GABBR2: variants seen among roughly 807,000 people sequenced by gnomAD.
GABBR2 encodes the protein G-protein coupled receptor 51.
A neutral mutation model predicts 105.6 loss-of-function variants in GABBR2; 23 were observed. The ratio of observed to expected loss-of-function variants is 0.22; its 90% CI spans 0.16 to 0.31. The LOEUF is 0.31. GABBR2 is among the 10% of genes least tolerant of loss of function. The pLI is 1.00. For synonymous variants in GABBR2, 478 were observed against 499.7 expected (o/e 0.96, Z 0.58); for missense variants, 734 against 1,245.5 (o/e 0.59, Z 6.18).
intron 3 of GABBR2, among the ~76,000 whole-genome samples, chr9:98,529,992 C>A (rs1482597820): frequency 6.6e-6 from 1 of 152,214 alleles, no homozygotes; most frequent in Non-Finnish European, 1.5e-5. Flanking sequence ...CCCAACTCCA[C>A]TCCTTTGCTC....
chr9:98,657,290 T>C lies in GABBR2; in HGVS notation c.321+51127A>G, dbSNP rs150930646. 5.3e-5 allele frequency among the ~76,000 whole-genome samples: 8 copies of C among 152,322 alleles called. No homozygotes were observed. The East Asian group carries it at 1.5e-3, about 29-fold the overall frequency. ...TATGGTAAAGAAATATTTCTCTGTA[T>C]CCATGTCTCTATTAAAAGTGAAAAA... On this transcript the variant is annotated intron_variant, in intron 1 of 18. Transcript: ENST00000259455.
chr9:98,624,249 C>T (rs534951290), intron 1 of GABBR2, among the ~76,000 whole-genome samples: 1 of 152,216 alleles, frequency 6.6e-6, no homozygotes, highest in South Asian at 2.1e-4. Context: ...GCAGCGTGCA[C>T]AGGAAGGCAA....
intron 2 of GABBR2, among the ~76,000 whole-genome samples, chr9:98,573,321 C>T (rs1043516072): frequency 5.3e-5 from 8 of 152,028 alleles, no homozygotes; most frequent in South Asian, 2.1e-4. Flanking sequence ...ATCGCTTTTT[C>T]GCCCAGGCAG....
At chr9:98,314,314 C>T (rs1184386100) in intron 13 of GABBR2, among the ~76,000 whole-genome samples, 3 of 152,186 alleles carry the variant, frequency 2.0e-5, no homozygotes, top group African/African-American at 7.2e-5. Flanking sequence ...CCAAGGTCAA[C>T]TGACTTAGTG....
chr9:98,599,265 G>T (rs1320413300), intron 1 of GABBR2, among the ~76,000 whole-genome samples: 3 of 152,114 alleles, frequency 2.0e-5, no homozygotes, highest in African/African-American at 7.2e-5. Flanking sequence ...AACCAGAAGG[G>T]TTCCCTTCTG....
In GABBR2 at chr9:98,388,837, G is replaced by A. The variant is rs779067037; in HGVS notation, c.1529+17C>T. On this transcript the variant is annotated intron_variant, in intron 10 of 18. Coordinates refer to ENST00000259455, the MANE Select transcript of GABBR2 (RefSeq NM_005458.8). This position sits in a 1 kb window ranked among gnomAD's most constrained non-coding sequence, Gnocchi z 4.4. ...ATTTAGAAAGTGATATCACAGAGGAGGACCAGGGTGGCTTACTTCTGATTC... is the reference window on the plus strand; with the variant it reads ...ATTTAGAAAGTGATATCACAGAGGAAGACCAGGGTGGCTTACTTCTGATTC... 6.2e-6 allele frequency: 10 copies of A among 1,605,050 alleles called. No homozygotes were observed. Among genetic ancestry groups the A allele is most frequent in the Non-Finnish European group, 8.5e-6 (10 of 1,173,210 alleles).
chr9:98,618,095 C>T (rs1332965042), intron 1 of GABBR2, among the ~76,000 whole-genome samples: 1 of 152,146 alleles, frequency 6.6e-6, no homozygotes. Context: ...CATGAAGAAA[C>T]GTGATTTTAC....
At chr9:98,691,233 T>C (rs1278725025) in intron 1 of GABBR2, among the ~76,000 whole-genome samples, 1 of 152,196 alleles carries the variant, frequency 6.6e-6, no homozygotes, top group Non-Finnish European at 1.5e-5. Flanking sequence ...GTGGAGTGCC[T>C]AGCTCCAGCT....
chr9:98,441,572 G>T (rs1826031838), intron 7 of GABBR2, among the ~76,000 whole-genome samples: 1 of 152,150 alleles, frequency 6.6e-6, no homozygotes. Flanking sequence ...TTCACCTGTT[G>T]GCTAGGCTGG....
At chr9:98,460,355 G>A (rs1826402229) in intron 6 of GABBR2, among the ~76,000 whole-genome samples, 1 of 152,132 alleles carries the variant, frequency 6.6e-6, no homozygotes, top group African/African-American at 2.4e-5. Context: ...TGGCCTCGGT[G>A]ACAGAGCAAG....
intron 1 of GABBR2, among the ~76,000 whole-genome samples, chr9:98,703,734 C>A (rs1830861137): frequency 6.6e-6 from 1 of 152,010 alleles, no homozygotes; most frequent in Admixed American, 6.6e-5. Flanking sequence ...CTCAAGCAAT[C>A]CTCTCACCTC....
intron 13 of GABBR2, among the ~76,000 whole-genome samples, chr9:98,322,668 T>C (rs545348341): frequency 1.3e-5 from 2 of 149,202 alleles, no homozygotes; most frequent in Admixed American, 1.3e-4. Flanking sequence ...CAGTCCATCA[T>C]CTCTCCTCCT....
intron 1 of GABBR2, among the ~76,000 whole-genome samples, chr9:98,643,682 A>G (rs61259291): frequency 0.19 from 28,830 of 152,104 alleles, 3,483 homozygotes; most frequent in African/African-American, 0.35. Context: ...TCCACCCTTA[A>G]TCCATGTGAG....
chr9:98,414,522 C>T (rs572882961), intron 7 of GABBR2, among the ~76,000 whole-genome samples: 2 of 152,184 alleles, frequency 1.3e-5, no homozygotes, highest in African/African-American at 4.8e-5. Flanking sequence ...GCAAGAGGAG[C>T]AACTGAAGGG....
intron 1 of GABBR2, among the ~76,000 whole-genome samples, chr9:98,594,603 C>T (rs1309610953): frequency 1.3e-5 from 2 of 152,182 alleles, no homozygotes; most frequent in African/African-American, 2.4e-5. Context: ...GGAGCATAAC[C>T]GCCTCTGGGG....
intron 2 of GABBR2, among the ~76,000 whole-genome samples, chr9:98,573,164 C>T (rs763145464): frequency 2.9e-4 from 44 of 152,352 alleles, no homozygotes; most frequent in African/African-American, 1.1e-3. Flanking sequence ...TGAGCCCAGA[C>T]CCTGCGCCAG....
chr9:98,470,905 T>G (rs1588178871), intron 6 of GABBR2, among the ~76,000 whole-genome samples: 1 of 152,206 alleles, frequency 6.6e-6, no homozygotes, highest in East Asian at 1.9e-4. Context: ...CCTGGACCTG[T>G]GAGCTAACAA....
At chr9:98,419,647 G>A (rs1832747954) in intron 7 of GABBR2, among the ~76,000 whole-genome samples, 1 of 152,182 alleles carries the variant, frequency 6.6e-6, no homozygotes, top group African/African-American at 2.4e-5. Context: ...CTCATGTTCA[G>A]CTTGATGCTG....
chr9:98,645,885 G>T (rs1353465030), intron 1 of GABBR2, among the ~76,000 whole-genome samples: 1 of 152,166 alleles, frequency 6.6e-6, no homozygotes, highest in East Asian at 1.9e-4. Context: ...CCTCACACAA[G>T]TTCTATGAGG....
Sources: allele counts gnomAD v4.1 joint callset (sites outside exome capture counted in the v4.1 genomes callset), GRCh38; gene constraint gnomAD v4.1.1; non-coding constraint Gnocchi (gnomAD v3.1); transcripts MANE v1.5; gene names NCBI Gene and HGNC (gene_info 2026-07-23, HGNC 2026-07-21).